Variants in MGAT5 observed in about 807,000 individuals in gnomAD.
The protein encoded by MGAT5 is alpha-1,6-mannosylglycoprotein 6-beta-N-acetylglucosaminyltransferase, also known as alpha-1,6-mannosylglycoprotein 6-beta-N-acetylglucosaminyltransferase A.
A neutral mutation model predicts 94.3 loss-of-function variants in MGAT5; 30 were observed. The observed-to-expected ratio is 0.32, with a 90% CI of 0.24 to 0.43. The LOEUF is 0.43. MGAT5 is among the 20% of genes least tolerant of loss of function. The pLI is 1.00. For missense variants in MGAT5, 691 were observed against 905.5 expected (o/e 0.76, Z 3.04); for synonymous variants, 310 against 322.9 (o/e 0.96, Z 0.43).
rs75765997 is a variant in MGAT5, at chr2:134,241,180, A to G, written c.-142-13082A>G. On this transcript the variant is annotated intron_variant, in intron 1 of 16. Coordinates refer to the MGAT5 transcript ENST00000409645. ...CTCTGCCCATATAACCCGTGGGAGC[A>G]GGAACAGAGAGTGTGTCCAGCAGCC... Among the ~76,000 whole-genome samples, 596 of 152,354 alleles carry G rather than the reference A, an allele frequency of 3.9e-3. 18 individuals are homozygous for G. In the East Asian group the frequency reaches 0.081, roughly 21 times the overall value.
chr2:134,232,298 T>A (rs1211815321), intron 1 of MGAT5, among the ~76,000 whole-genome samples: 1 of 152,202 alleles, frequency 6.6e-6, no homozygotes, highest in Non-Finnish European at 1.5e-5. Flanking sequence ...ATATCAAATA[T>A]GGTGGCCTCA....
intron 1 of MGAT5, among the ~76,000 whole-genome samples, chr2:134,246,715 C>T (rs557855709): frequency 6.6e-6 from 1 of 152,298 alleles, no homozygotes; most frequent in Admixed American, 6.5e-5. Context: ...CCGCATGCAG[C>T]TGGTAGACTC....
chr2:134,253,214 A>G (rs1682724660), upstream of MGAT5: 2 of 152,216 alleles, frequency 1.3e-5, no homozygotes, highest in Non-Finnish European at 2.9e-5. Context: ...CTTTGACTGA[A>G]GCATGTATGT....
At chr2:134,442,066 C>T (rs978468332) in intron 15 of MGAT5, 151 bp downstream of exon 15, 1 of 835,254 alleles carries the variant, frequency 1.2e-6, no homozygotes, top group Non-Finnish European at 1.9e-6. Flanking sequence ...CAGGATCCCC[C>T]TAGAGAGTTA....
rs150427233 is a variant in MGAT5 at position 134,399,508 on chromosome 2, T to A, written c.1381-3480T>A. Among the ~76,000 whole-genome samples the A allele has an allele frequency of 3.0e-4, 46 of 152,338 alleles. No individual in the cohort carries two copies. In the East Asian group the frequency reaches 8.9e-3, roughly 29 times the overall value. ...TTAAGTTTTAATCAGTTAGATCAGT[T>A]GTTCTTAATGAGAATTTAAATTGAA... On this transcript the variant is annotated intron_variant, in intron 10 of 15. Coordinates refer to ENST00000281923, the MANE Select transcript of MGAT5 (RefSeq NM_002410.5).
intron 14 of MGAT5, among the ~76,000 whole-genome samples, chr2:134,432,975 C>A (rs1216124144): frequency 6.6e-6 from 1 of 152,100 alleles, no homozygotes; most frequent in Non-Finnish European, 1.5e-5. Context: ...TATAAGGACA[C>A]AATTCAATTT....
At chr2:134,208,275 T>A (rs1396328364) in intron 1 of MGAT5, among the ~76,000 whole-genome samples, 1 of 152,240 alleles carries the variant, frequency 6.6e-6, no homozygotes, top group Non-Finnish European at 1.5e-5. Context: ...TTATTTTAAT[T>A]TGGTCTCATT....
Position 134,198,935 on chromosome 2 carries a change from T to C in MGAT5, c.-142-55327T>C, listed in dbSNP as rs1679633381. 3.3e-5 allele frequency among the ~76,000 whole-genome samples: 5 copies of C among 152,366 alleles called. 1 individual carries two copies. The South Asian group carries it at 1.0e-3, about 32-fold the overall frequency. On this transcript the variant is annotated intron_variant, in intron 1 of 16. Transcript: ENST00000409645. The stretch of plus-strand genomic sequence containing the variant: ...AAGAGGCCAAAGTTTATTTTTTGAA[T>C]GAATGGTATTTGTGTGTTGTTACAT...
intron 1 of MGAT5, among the ~76,000 whole-genome samples, chr2:134,145,092 T>A (rs1686848875): frequency 6.6e-6 from 1 of 152,228 alleles, no homozygotes; most frequent in Admixed American, 6.5e-5. Flanking sequence ...CTTGGTCTTT[T>A]GGAAAATTGG....
chr2:134,168,172 C>G (rs1688041483), intron 1 of MGAT5, among the ~76,000 whole-genome samples: 1 of 152,176 alleles, frequency 6.6e-6, no homozygotes, highest in Non-Finnish European at 1.5e-5. Flanking sequence ...GGAAGGCGCA[C>G]TGACCCTGGT....
chr2:134,273,975 C>T (rs1019132797), intron 2 of MGAT5, among the ~76,000 whole-genome samples: 1 of 152,176 alleles, frequency 6.6e-6, no homozygotes, highest in Admixed American at 6.5e-5. Flanking sequence ...TCAAAATTCT[C>T]TCCTTTTAGA....
At chr2:134,261,628 T>TA (rs1219426557) in intron 1 of MGAT5, among the ~76,000 whole-genome samples, 4 of 152,236 alleles carry the variant, frequency 2.6e-5, no homozygotes, top group East Asian at 1.9e-4. Context: ...AACCCACTGT[T>TA]ACTCTCATTC....
At chr2:134,349,674 C>A in intron 8 of MGAT5, 131 bp from the exon 9 acceptor site, 1 of 998,650 alleles carries the variant, frequency 1.0e-6, no homozygotes, top group Non-Finnish European at 1.5e-6. Flanking sequence ...CATCACAATT[C>A]TTGTCTGGTC....
intron 1 of MGAT5, among the ~76,000 whole-genome samples, chr2:134,145,796 T>C (rs1467299862): frequency 6.6e-6 from 1 of 152,202 alleles, no homozygotes; most frequent in Non-Finnish European, 1.5e-5. Context: ...GAAAAATTAA[T>C]GAAACACATG....
At chr2:134,200,806 G>A (rs1425258528) in intron 1 of MGAT5, among the ~76,000 whole-genome samples, 1 of 152,066 alleles carries the variant, frequency 6.6e-6, no homozygotes, top group Non-Finnish European at 1.5e-5. Flanking sequence ...ATCACTTGAG[G>A]ACAGGCATTC....
At chr2:134,136,935 T>C (rs1686436108) in intron 1 of MGAT5, among the ~76,000 whole-genome samples, 1 of 152,218 alleles carries the variant, frequency 6.6e-6, no homozygotes, top group Non-Finnish European at 1.5e-5. Context: ...TGGTTTATCA[T>C]ATCCAGGGAG....
chr2:134,396,672 A>G (rs745450508), intron 10 of MGAT5, among the ~76,000 whole-genome samples: 2 of 152,212 alleles, frequency 1.3e-5, no homozygotes, highest in East Asian at 1.9e-4. Context: ...CCACAAGTCC[A>G]TAAGTCCTTT....
At chr2:134,134,635 T>C (rs1399575994) in intron 1 of MGAT5, among the ~76,000 whole-genome samples, 1 of 152,176 alleles carries the variant, frequency 6.6e-6, no homozygotes, top group Non-Finnish European at 1.5e-5. Context: ...GCGTGGTACC[T>C]GGAGAGAGGA....
intron 12 of MGAT5, among the ~76,000 whole-genome samples, chr2:134,421,718 G>C (rs1684303199): frequency 6.6e-6 from 1 of 152,106 alleles, no homozygotes; most frequent in Non-Finnish European, 1.5e-5. Flanking sequence ...TTATATCCCT[G>C]GTTCCCACCC....
Sources: allele counts gnomAD v4.1 joint callset (sites outside exome capture counted in the v4.1 genomes callset), GRCh38; gene constraint gnomAD v4.1.1; transcripts MANE v1.5; gene names NCBI Gene and HGNC (gene_info 2026-07-23, HGNC 2026-07-21).